Variants in AOPEP observed in about 807,000 individuals in gnomAD.
AOPEP encodes the protein aminopeptidase O.
Under a neutral mutation model 98.1 loss-of-function variants are expected in AOPEP, and 77 were observed. The observed-to-expected ratio is 0.78, with a 90% CI of 0.65 to 0.95. The LOEUF (loss-of-function observed/expected upper bound fraction) is 0.95. Ranked by LOEUF, AOPEP falls within the 40% of genes least tolerant of loss-of-function variation. AOPEP has a pLI of 0.00. For missense variants in AOPEP, 1,024 were observed against 1,024.7 expected, an observed-to-expected ratio of 1.00 and a Z score of 0.01; for synonymous variants, 346 against 365.3, an observed-to-expected ratio of 0.95 and a Z score of 0.60.
chr9:95,012,874 T>C (rs1460521659), intron 13 of AOPEP, among the ~76,000 whole-genome samples: 4 of 151,988 alleles, frequency 2.6e-5, no homozygotes, highest in Non-Finnish European at 5.9e-5. Flanking sequence ...TACCTGGCTA[T>C]TGCATTAAAA....
At chr9:95,081,333 C>T (rs1054376738) in intron 15 of AOPEP, among the ~76,000 whole-genome samples, 3 of 152,224 alleles carry the variant, frequency 2.0e-5, no homozygotes, top group Admixed American at 6.5e-5. Context: ...CTCTGATGTC[C>T]GCAGTGTGTC....
At chr9:94,939,710 A>T (rs1174565392) in intron 7 of AOPEP, among the ~76,000 whole-genome samples, 1 of 152,256 alleles carries the variant, frequency 6.6e-6, no homozygotes, top group African/African-American at 2.4e-5. Flanking sequence ...AAAATAATGT[A>T]TAAAATTACC....
intron 5 of AOPEP, among the ~76,000 whole-genome samples, chr9:94,915,083 G>A (rs1588867775): frequency 6.6e-6 from 1 of 152,118 alleles, no homozygotes; most frequent in African/African-American, 2.4e-5. Flanking sequence ...GTTTGAATCT[G>A]CTTTGACACA....
intron 7 of AOPEP, among the ~76,000 whole-genome samples, chr9:94,934,246 G>T (rs1435920753): frequency 2.7e-5 from 4 of 150,574 alleles, no homozygotes; most frequent in African/African-American, 7.4e-5. Flanking sequence ...ACGGTCCTCT[G>T]TCCTCCACCC....
chr9:94,792,530 T>C (rs1588236134), intron 3 of AOPEP, among the ~76,000 whole-genome samples: 1 of 152,112 alleles, frequency 6.6e-6, no homozygotes, highest in East Asian at 1.9e-4. Context: ...CGTGAAGGGC[T>C]TCAAACTGAT....
At position 94,908,147 on chromosome 9, in the gene AOPEP, G is replaced by A. The variant is rs750049718; in HGVS notation, c.1365-15839G>A. Among the ~76,000 whole-genome samples, 70 of 152,106 alleles carry A rather than the reference G, an allele frequency of 4.6e-4. 1 individual carries two copies. Among genetic ancestry groups the A allele is most frequent in the African/African-American group, 1.5e-3 (61 of 41,418 alleles). ...TAATGTTTCCCTCTGGTTTTTTGACGTCAGTTGCCTGTGGGTGGGTTCCCA... is the reference window on the plus strand; with the variant it reads ...TAATGTTTCCCTCTGGTTTTTTGACATCAGTTGCCTGTGGGTGGGTTCCCA... On this transcript the variant is annotated intron_variant, in intron 5 of 16. Coordinates refer to ENST00000375315, the MANE Select transcript of AOPEP (RefSeq NM_001193329.3).
At chr9:94,964,335 G>A (rs2059047531) in intron 9 of AOPEP, among the ~76,000 whole-genome samples, 1 of 152,122 alleles carries the variant, frequency 6.6e-6, no homozygotes, top group African/African-American at 2.4e-5. Context: ...CATGAAGCAG[G>A]GTTTCCGGGG....
At chr9:94,803,008 G>C (rs897918470) in intron 5 of AOPEP, among the ~76,000 whole-genome samples, 1 of 152,054 alleles carries the variant, frequency 6.6e-6, no homozygotes, top group East Asian at 1.9e-4. Flanking sequence ...TGGCTACTGG[G>C]GCCCTGCTGC....
intron 11 of AOPEP, among the ~76,000 whole-genome samples, chr9:94,986,979 G>A (rs1257931543): frequency 2.0e-5 from 3 of 150,954 alleles, no homozygotes; most frequent in African/African-American, 7.4e-5. Context: ...AGGCTTCTAC[G>A]GTAGAACTTT....
chr9:95,031,139 C>T (rs1243147743), intron 13 of AOPEP, among the ~76,000 whole-genome samples: 1 of 152,148 alleles, frequency 6.6e-6, no homozygotes, highest in Non-Finnish European at 1.5e-5. Context: ...GTCACATGCA[C>T]CCCCACATGA....
intron 4 of AOPEP, among the ~76,000 whole-genome samples, chr9:94,795,256 A>G (rs1393462331): frequency 1.3e-5 from 2 of 152,118 alleles, no homozygotes; most frequent in Non-Finnish European, 1.5e-5. Context: ...TGTAACATTA[A>G]TGCCTCACCT....
At chr9:94,822,160 G>T (rs1250892907) in intron 5 of AOPEP, among the ~76,000 whole-genome samples, 1 of 152,198 alleles carries the variant, frequency 6.6e-6, no homozygotes, top group African/African-American at 2.4e-5. Context: ...GAGGCCCAGA[G>T]AACATGGCAG....
the AOPEP span, among the ~76,000 whole-genome samples, chr9:95,147,212 T>C: frequency 9.8e-5 from 15 of 152,328 alleles, no homozygotes; most frequent in African/African-American, 3.6e-4. Context: ...ATCCTACAGA[T>C]GTTTCATCAA....
chr9:94,768,168 T>G (rs1404368718), intron 2 of AOPEP, among the ~76,000 whole-genome samples: 1 of 152,132 alleles, frequency 6.6e-6, no homozygotes, highest in Non-Finnish European at 1.5e-5. Context: ...CTGTCGCATC[T>G]GTGGCCCACC....
intron 14 of AOPEP, among the ~76,000 whole-genome samples, chr9:95,062,214 G>A (rs969260982): frequency 1.3e-5 from 2 of 152,082 alleles, no homozygotes; most frequent in East Asian, 1.9e-4. Context: ...GTTGAATTAG[G>A]TGGCTGGTTC....
chr9:94,800,638 T>C, intron 4 of AOPEP, 119 bp from the exon 5 acceptor site: 2 of 1,044,436 alleles, frequency 1.9e-6, no homozygotes. Flanking sequence ...TGAGCAGTCT[T>C]TGCTTGTGAG....
At chr9:95,040,654 C>T (rs1244287755) in intron 13 of AOPEP, among the ~76,000 whole-genome samples, 7 of 152,216 alleles carry the variant, frequency 4.6e-5, no homozygotes, top group Admixed American at 6.5e-5. Flanking sequence ...GCCCCCAGGA[C>T]GCCTATTGCT....
Position 95,080,753 on chromosome 9 carries a change from T to C in AOPEP, c.2292T>C (p.Ser764=). The change falls in exon 15 of 17, where the codon AGT becomes AGC. Residue 764 remains serine, a synonymous_variant. Coordinates refer to ENST00000375315, the MANE Select transcript of AOPEP (RefSeq NM_001193329.3). ...VKHKFTKAYK[S]VERFLQEDQA... is the part of the protein sequence containing the mutation. Reference sequence around the variant, plus strand: ...ACAAGTTCACGAAAGCCTACAAAAGTGTGGAGAGGTTCCTTCAGGAGGATC... The same window carrying C: ...ACAAGTTCACGAAAGCCTACAAAAGCGTGGAGAGGTTCCTTCAGGAGGATC... The C allele has an allele frequency of 3.1e-6, 5 of 1,614,082 alleles. No homozygotes were observed. The highest frequency in any genetic ancestry group is 1.7e-6 in the Non-Finnish European group (2 of 1,179,972).
At chr9:95,031,588 G>A (rs1208757484) in intron 13 of AOPEP, among the ~76,000 whole-genome samples, 2 of 152,150 alleles carry the variant, frequency 1.3e-5, no homozygotes, top group South Asian at 2.1e-4. Context: ...TGGGGAGTGA[G>A]GACAGAACTG....
Sources: allele counts gnomAD v4.1 joint callset (sites outside exome capture counted in the v4.1 genomes callset), GRCh38; gene constraint gnomAD v4.1.1; transcripts MANE v1.5; gene names NCBI Gene and HGNC (gene_info 2026-07-23, HGNC 2026-07-21).